TNRC18: variants seen among roughly 807,000 people sequenced by gnomAD.
TNRC18 encodes the protein trinucleotide repeat containing 18.
In TNRC18, 69 loss-of-function variants were observed where a neutral mutation model predicts 226.7. The ratio of observed to expected loss-of-function variants is 0.30; its 90% CI spans 0.25 to 0.37. The LOEUF is 0.37. Ranked by LOEUF, TNRC18 falls within the 10% of genes least tolerant of loss-of-function variation. TNRC18 has a pLI of 1.00. For synonymous variants in TNRC18, 2,449 were observed against 1,927.6 expected (o/e 1.27, Z -7.09); for missense variants, 4,754 against 4,256.6 (o/e 1.12, Z -3.25).
At chr7:5,349,715 A>G (rs1306886425) in intron 17 of TNRC18, among the ~76,000 whole-genome samples, 1 of 152,234 alleles carries the variant, frequency 6.6e-6, no homozygotes, top group Non-Finnish European at 1.5e-5. Context: ...CAAGAGACCA[A>G]AACAGACATT....
chr7:5,397,518 C>T (rs1358402193), intron 2 of TNRC18, among the ~76,000 whole-genome samples: 3 of 152,200 alleles, frequency 2.0e-5, no homozygotes, highest in African/African-American at 4.8e-5. Flanking sequence ...AAGGCAGTGC[C>T]GTTCTCAGTG....
At chr7:5,389,600 G>C in intron 4 of TNRC18, 1 of 275,114 alleles carries the variant, frequency 3.6e-6, no homozygotes. Context: ...GATTACAGGC[G>C]CACCCCACCA....
At chr7:5,370,314 C>T (rs902523276) in intron 11 of TNRC18, 61 bp downstream of exon 11, 7 of 1,489,290 alleles carry the variant, frequency 4.7e-6, no homozygotes, top group African/African-American at 2.8e-5. Flanking sequence ...CACAGCAAGA[C>T]CCCATCACCA....
chr7:5,351,921 G>A lies in TNRC18; in HGVS notation c.5368C>T (p.Pro1790Ser), dbSNP rs1481118493. Residue 1790 changes from proline (P) to serine (S), a missense_variant, in exon 17 of 30, where the codon CCC becomes TCC. Pro to Ser is a moderately conservative substitution (Grantham distance 74, BLOSUM62 -1). Coordinates refer to ENST00000430969, the MANE Select transcript of TNRC18 (RefSeq NM_001080495.3). ...RGLAAPRTLK[P>S]KPATSRKQPF... ...TGCTTCCTGCTGGTGGCCGGCTTGGGTTTCAGAGTCCGGGGGGCCGCCAGG... is the reference window on the plus strand; with the variant it reads ...TGCTTCCTGCTGGTGGCCGGCTTGGATTTCAGAGTCCGGGGGGCCGCCAGG... 1 of 1,613,648 alleles carries A rather than the reference G, an allele frequency of 6.2e-7. No homozygotes were observed. Among genetic ancestry groups the A allele is most frequent in the Non-Finnish European group, 8.5e-7 (1 of 1,179,842 alleles).
At chr7:5,358,853 G>C (rs1483521791) in intron 15 of TNRC18, among the ~76,000 whole-genome samples, 1 of 152,208 alleles carries the variant, frequency 6.6e-6, no homozygotes. Context: ...CTTTGCACTG[G>C]ACTTTATGGG....
At chr7:5,369,127 C>G (rs538411940) in intron 11 of TNRC18, among the ~76,000 whole-genome samples, 1 of 152,218 alleles carries the variant, frequency 6.6e-6, no homozygotes, top group African/African-American at 2.4e-5. Flanking sequence ...GCAGGCGGGT[C>G]ACTTGAGGTC....
Position 5,370,391 on chromosome 7 carries a change from C to A in TNRC18, c.4203G>T (p.Arg1401Ser). ...SEIAELELER[R>S]SQEMGGAERA... Reference sequence around the variant, plus strand: ...CACTCTCACCTCCCATCTCTTGGCTCCTCCTCTCCAGCTCCAGCTCTGCGA... The same window carrying A: ...CACTCTCACCTCCCATCTCTTGGCTACTCCTCTCCAGCTCCAGCTCTGCGA... Residue 1401 changes from arginine to serine, a missense_variant, in exon 11 of 30, where the codon AGG (arginine) becomes AGT (serine). Physicochemically the swap from Arg to Ser is moderately radical, Grantham distance 110. Coordinates refer to ENST00000430969, the MANE Select transcript of TNRC18 (RefSeq NM_001080495.3). 6.5e-7 allele frequency: 1 copy of A among 1,547,408 alleles called. No individual in the cohort carries two copies.
intron 14 of TNRC18, among the ~76,000 whole-genome samples, chr7:5,361,162 G>C (rs773581285): frequency 6.6e-6 from 1 of 152,186 alleles, no homozygotes; most frequent in African/African-American, 2.4e-5. Flanking sequence ...TGCCAGAAGG[G>C]GCCAGCCCTG....
Position 5,356,975 on chromosome 7 carries a change from C to G in TNRC18, c.5135G>C (p.Arg1712Thr). ...GGAATGGGCCGACTTGGGCTGGCCT[C>G]TGGCCTTGAACCCCACCTCCATCTT... ...TRKMEVGFKA[R>T]GQPKSAHSPF... Residue 1712 changes from arginine to threonine, a missense_variant, in exon 16 of 30, where the codon AGA becomes ACA. Physicochemically the swap from Arg to Thr is moderately conservative, Grantham distance 71. Coordinates refer to ENST00000430969, the MANE Select transcript of TNRC18 (RefSeq NM_001080495.3). 1 of 1,552,130 alleles carries G rather than the reference C, an allele frequency of 6.4e-7. No individual in the cohort carries two copies. The highest frequency in any genetic ancestry group is 2.4e-5 in the East Asian group (1 of 40,920).
intron 5 of TNRC18, 132 bp downstream of exon 5, chr7:5,387,540 C>T (rs1480744507): frequency 7.6e-7 from 1 of 1,321,736 alleles, no homozygotes; most frequent in African/African-American, 1.5e-5. Flanking sequence ...ACAGAACATT[C>T]AAGACCATTT....
At chr7:5,339,225 TTTTC>T (rs1790426947) in intron 18 of TNRC18, among the ~76,000 whole-genome samples, 1 of 131,946 alleles carries the variant, frequency 7.6e-6, no homozygotes, top group African/African-American at 2.5e-5. Flanking sequence ...GTTTCTTTTT[TTTTC>T]TTTTTTTTTT....
At chr7:5,369,665 T>C (rs932284840) in intron 11 of TNRC18, among the ~76,000 whole-genome samples, 17 of 152,164 alleles carry the variant, frequency 1.1e-4, no homozygotes, top group Admixed American at 8.5e-4. Context: ...TTTCTTGGCT[T>C]GAACACCTAG....
intron 15 of TNRC18, 23 bp downstream of exon 15, chr7:5,359,375 A>G: frequency 1.2e-6 from 2 of 1,613,582 alleles, no homozygotes; most frequent in Non-Finnish European, 1.7e-6. Context: ...GATCTCACAC[A>G]CCTGGAAGAC....
rs1216140966 is a variant in TNRC18, at chr7:5,311,577, G to A, written c.8388+926C>T. Among the ~76,000 whole-genome samples, 4 of 152,332 alleles carry A rather than the reference G, an allele frequency of 2.6e-5. 1 individual carries two copies. The South Asian group carries it at 8.3e-4, about 32-fold the overall frequency. The stretch of plus-strand genomic sequence containing the variant: ...ACCTGGAATTCCAGCACTCTGGGAG[G>A]CTGAGGCGGGAGGATCACTTGAGCC... On this transcript the variant is annotated intron_variant, in intron 27 of 29. Coordinates refer to ENST00000430969, the MANE Select transcript of TNRC18 (RefSeq NM_001080495.3).
intron 9 of TNRC18, among the ~76,000 whole-genome samples, chr7:5,375,167 T>G (rs973495982): frequency 6.6e-6 from 1 of 152,056 alleles, no homozygotes; most frequent in Non-Finnish European, 1.5e-5. Flanking sequence ...AAATTAGCCG[T>G]GCATGACAGC....
At chr7:5,330,369 A>ACAGGCAC in intron 19 of TNRC18, among the ~76,000 whole-genome samples, 1 of 150,780 alleles carries the variant, frequency 6.6e-6, no homozygotes. Flanking sequence ...AGGTGGGACT[A>ACAGGCAC]TAGGCACTGA....
intron 28 of TNRC18, 37 bp from the exon 29 acceptor site, chr7:5,308,986 G>T (rs564727442): frequency 1.3e-6 from 2 of 1,570,690 alleles, no homozygotes; most frequent in Admixed American, 1.8e-5. Flanking sequence ...GGGTGAGCCC[G>T]GGGGCTGCTG....
chr7:5,371,936 T>C (rs891205487), intron 10 of TNRC18, among the ~76,000 whole-genome samples: 23 of 152,218 alleles, frequency 1.5e-4, no homozygotes, highest in Non-Finnish European at 3.1e-4. Flanking sequence ...TCACTCTTGT[T>C]GCCCAGGCTG....
chr7:5,420,921 T>C, intron 2 of TNRC18, 139 bp downstream of exon 2: 2 of 1,072,098 alleles, frequency 1.9e-6, no homozygotes, highest in Non-Finnish European at 2.8e-6. Context: ...TTCCCAGCCC[T>C]GGGAGCCGAG....
Sources: allele counts gnomAD v4.1 joint callset (sites outside exome capture counted in the v4.1 genomes callset), GRCh38; gene constraint gnomAD v4.1.1; transcripts MANE v1.5; gene names NCBI Gene and HGNC (gene_info 2026-07-23, HGNC 2026-07-21).